The following PHC2 variants were observed in gnomAD, a reference collection of about 807,000 sequenced individuals.
PHC2 encodes the protein polyhomeotic homolog 2, also known as polyhomeotic-like protein 2.
Under a neutral mutation model 87.4 loss-of-function variants are expected in PHC2, and 29 were observed. The observed-to-expected ratio is 0.33, with a 90% confidence interval of 0.25 to 0.45. PHC2 has a LOEUF of 0.45. Ranked by LOEUF, PHC2 falls within the 20% of genes least tolerant of loss-of-function variation. The pLI, the probability that PHC2 is intolerant of heterozygous loss-of-function variation, is 1.00. For missense variants in PHC2, 857 were observed against 1,136.7 expected (o/e 0.75, Z 3.54); for synonymous variants, 438 against 461.7 (o/e 0.95, Z 0.66).
intron 1 of PHC2, among the ~76,000 whole-genome samples, chr1:33,398,787 AG>A (rs1649398013): frequency 6.6e-6 from 1 of 152,202 alleles, no homozygotes; most frequent in South Asian, 2.1e-4. Flanking sequence ...AGAGCTAGAA[AG>A]CACACACAGA....
intron 1 of PHC2, among the ~76,000 whole-genome samples, chr1:33,423,423 G>A (rs1650508995): frequency 6.6e-6 from 1 of 151,984 alleles, no homozygotes; most frequent in Admixed American, 6.6e-5. Flanking sequence ...AAAATAAGAA[G>A]GATCTCATGA....
intron 7 of PHC2, 55 bp from the exon 8 acceptor site, chr1:33,355,308 G>A: frequency 1.4e-6 from 2 of 1,458,946 alleles, no homozygotes; most frequent in South Asian, 1.4e-5. Context: ...CTTCTGCTGT[G>A]TCTTCCAACT....
At chr1:33,343,146 G>A (rs1176584103) in intron 9 of PHC2, among the ~76,000 whole-genome samples, 1 of 152,104 alleles carries the variant, frequency 6.6e-6, no homozygotes, top group Non-Finnish European at 1.5e-5. Context: ...GTGCTACATG[G>A]CAGTTAAGAC....
intron 7 of PHC2, among the ~76,000 whole-genome samples, chr1:33,356,859 CAG>C (rs936422341): frequency 1.5e-4 from 23 of 152,160 alleles, no homozygotes; most frequent in Non-Finnish European, 2.6e-4. Flanking sequence ...ACTTCCCAGA[CAG>C]GGCGGCCAGG....
intron 1 of PHC2, among the ~76,000 whole-genome samples, chr1:33,406,675 ACT>A (rs1018991251): frequency 5.2e-4 from 79 of 151,994 alleles, no homozygotes; most frequent in African/African-American, 1.8e-3. Flanking sequence ...ATAGAGGCAA[ACT>A]CTGTTTTTGT....
At chr1:33,399,517 T>G (rs1649429905) in intron 1 of PHC2, among the ~76,000 whole-genome samples, 1 of 152,240 alleles carries the variant, frequency 6.6e-6, no homozygotes, top group Non-Finnish European at 1.5e-5. Flanking sequence ...TAAAATAGAC[T>G]TAAGCATCTT....
At position 33,354,902 on chromosome 1, in the gene PHC2, G is replaced by T; in HGVS notation, c.1328C>A (p.Thr443Asn). ...QNGHPEGVPH[T>N]PQRRFQHTSA... ...AGTGTGCTGGAACCTGCGTTGAGGG[G>T]TGTGGGGCACGCCCTCGGGATGTCC... The change falls in exon 8 of 15, where the codon ACC becomes AAC. Residue 443 changes from threonine (T) to asparagine (N), a missense_variant. Thr to Asn is a moderately conservative substitution (Grantham distance 65). Around this residue, in one of 3 missense-constraint regions of PHC2, gnomAD observed 832 missense variants for 1,081.8 expected, o/e 0.77. Transcript: ENST00000683057. 1 of 1,614,220 alleles carries T rather than the reference G, an allele frequency of 6.2e-7. No homozygotes were observed. Among genetic ancestry groups the T allele is most frequent in the East Asian group, 2.2e-5 (1 of 44,880 alleles).
At chr1:33,372,086 A>G (rs556100345) in intron 3 of PHC2, among the ~76,000 whole-genome samples, 1 of 152,366 alleles carries the variant, frequency 6.6e-6, no homozygotes, top group Non-Finnish European at 1.5e-5. Flanking sequence ...TTCCGCCGCT[A>G]TAGTCACTAG....
intron 1 of PHC2, among the ~76,000 whole-genome samples, chr1:33,403,850 A>G (rs1377091973): frequency 6.6e-6 from 1 of 152,208 alleles, no homozygotes; most frequent in East Asian, 1.9e-4. Flanking sequence ...CTTGGCTTTC[A>G]TGAAACCATA....
At chr1:33,340,925 AG>A (rs1041522665) in intron 9 of PHC2, among the ~76,000 whole-genome samples, 4 of 48,794 alleles carry the variant, frequency 8.2e-5, no homozygotes, top group African/African-American at 3.2e-4. Context: ...GGGGTGGGGG[AG>A]GGGGTGGGTA....
At position 33,382,412 on chromosome 1, in the gene PHC2, T is replaced by C. The variant is rs1376611907; in HGVS notation, c.-54-6819A>G. On this transcript the variant is annotated intron_variant, in intron 1 of 14. Transcript: ENST00000683057. This position sits in a 1 kb window ranked among gnomAD's most constrained non-coding sequence, Gnocchi z 4.3. ...CAGTATTCTACCCACCCCTTTTCAA[T>C]TTCCTTTTAATTCCTACTCTTATTC... Among the ~76,000 whole-genome samples, 1 of 152,124 alleles carries C rather than the reference T, an allele frequency of 6.6e-6. No homozygotes were observed. Among genetic ancestry groups the C allele is most frequent in the Non-Finnish European group, 1.5e-5 (1 of 68,022 alleles).
At chr1:33,421,792 A>G (rs1026218902) in intron 1 of PHC2, among the ~76,000 whole-genome samples, 5 of 152,250 alleles carry the variant, frequency 3.3e-5, no homozygotes, top group African/African-American at 1.2e-4. Flanking sequence ...ACATACTGGC[A>G]GTAGACGAGA....
intron 1 of PHC2, among the ~76,000 whole-genome samples, chr1:33,403,293 AT>A (rs2148380299): frequency 6.7e-6 from 1 of 150,200 alleles, no homozygotes; most frequent in Admixed American, 6.6e-5. Flanking sequence ...CGCCCAGGTA[AT>A]TTTTGTATTT....
chr1:33,328,140 T>C (rs1002146934), intron 14 of PHC2, among the ~76,000 whole-genome samples: 1 of 152,094 alleles, frequency 6.6e-6, no homozygotes, highest in African/African-American at 2.4e-5. Context: ...CAGTAATGCA[T>C]CCAGGCCCCA....
chr1:33,413,768 A>G (rs1650078027), intron 1 of PHC2, among the ~76,000 whole-genome samples: 1 of 152,174 alleles, frequency 6.6e-6, no homozygotes, highest in African/African-American at 2.4e-5. Context: ...TCACTGCTTT[A>G]TTGTTGTTTT....
At chr1:33,347,088 AAC>A in intron 9 of PHC2, 1 of 985,584 alleles carries the variant, frequency 1.0e-6, no homozygotes, top group Non-Finnish European at 1.2e-6. Flanking sequence ...GGAAATGAGT[AAC>A]ACAGGAAAAA....
At chr1:33,347,644 A>G (rs1646869644) in intron 9 of PHC2, 4 of 985,466 alleles carry the variant, frequency 4.1e-6, no homozygotes, top group Non-Finnish European at 4.8e-6. Context: ...TACAACAGAA[A>G]GGACTAAGAA....
At position 33,331,995 on chromosome 1, in the gene PHC2, C is replaced by T. The variant is rs1418065609; in HGVS notation, c.1891+280G>A. Among the ~76,000 whole-genome samples the T allele has an allele frequency of 2.0e-5, 3 of 152,234 alleles. No individual in the cohort carries two copies. Among genetic ancestry groups the T allele is most frequent in the Non-Finnish European group, 4.4e-5 (3 of 68,032 alleles). On this transcript the variant is annotated intron_variant, in intron 11 of 14. Coordinates refer to ENST00000683057, the MANE Select transcript of PHC2 (RefSeq NM_001385109.1). This position sits in a 1 kb window ranked among gnomAD's most constrained non-coding sequence, Gnocchi z 5.2. ...GGGCAGGACTTGCCTGGGGCCACTCCTACAGTCATGCCTAAAACTTGCCAA... is the reference window on the plus strand; with the variant it reads ...GGGCAGGACTTGCCTGGGGCCACTCTTACAGTCATGCCTAAAACTTGCCAA...
intron 1 of PHC2, among the ~76,000 whole-genome samples, chr1:33,397,116 G>C (rs1237179674): frequency 6.6e-6 from 1 of 152,172 alleles, no homozygotes; most frequent in African/African-American, 2.4e-5. Flanking sequence ...CTACTTCACT[G>C]AGTAGCTGGG....
Sources: gnomAD v4.1 joint callset for allele counts (sites outside exome capture counted in the v4.1 genomes callset) on GRCh38, gnomAD v4.1.1 for gene constraint, gnomAD v4.1.1 regional missense constraint, Gnocchi (gnomAD v3.1) non-coding constraint, MANE v1.5 for transcripts, NCBI Gene and HGNC (gene_info 2026-07-23, HGNC 2026-07-21) for gene names.